Variants in RXFP1 observed in about 807,000 individuals in gnomAD.
RXFP1 encodes the protein relaxin family peptide receptor 1, also known as relaxin receptor 1.
In RXFP1, 73 loss-of-function variants were observed where a neutral mutation model predicts 89.8. The observed-to-expected ratio is 0.81, with a 90% confidence interval of 0.67 to 0.99. The LOEUF is 0.99. Among genes scored for constraint, RXFP1 ranks in the 50% least tolerant of loss-of-function variants. The pLI is 0.00. For missense variants in RXFP1, 793 were observed against 895.5 expected, an observed-to-expected ratio of 0.89 and a Z score of 1.46; for synonymous variants, 277 against 305.5, an observed-to-expected ratio of 0.91 and a Z score of 0.97.
chr4:158,548,685 G>T (rs1459377391), intron 1 of RXFP1, among the ~76,000 whole-genome samples: 1 of 152,132 alleles, frequency 6.6e-6, no homozygotes, highest in Non-Finnish European at 1.5e-5. Context: ...GTCTGTAAAG[G>T]ATTTTATTTA....
chr4:158,602,679 T>C (rs28581217), intron 4 of RXFP1, among the ~76,000 whole-genome samples: 3,949 of 152,266 alleles, frequency 0.026, 149 homozygotes, highest in African/African-American at 0.091. Flanking sequence ...GAGTATAAAC[T>C]TCTTAAAGGC....
At chr4:158,589,400 G>A (rs1473220428) in intron 2 of RXFP1, among the ~76,000 whole-genome samples, 1 of 152,072 alleles carries the variant, frequency 6.6e-6, no homozygotes, top group Non-Finnish European at 1.5e-5. Flanking sequence ...AATTCCTTGG[G>A]TTTCTGCTTT....
At chr4:158,546,945 AGG>A (rs1748607103) in intron 1 of RXFP1, among the ~76,000 whole-genome samples, 1 of 152,150 alleles carries the variant, frequency 6.6e-6, no homozygotes, top group African/African-American at 2.4e-5. Context: ...CTTTGGTATC[AGG>A]ATGATGCTGG....
At chr4:158,551,630 T>A (rs1248832957) in intron 1 of RXFP1, among the ~76,000 whole-genome samples, 2 of 152,138 alleles carry the variant, frequency 1.3e-5, no homozygotes, top group East Asian at 3.8e-4. Flanking sequence ...AACTTTTATT[T>A]CTCAATTAAA....
At chr4:158,570,317 G>A (rs1754766200) in intron 1 of RXFP1, among the ~76,000 whole-genome samples, 3 of 152,152 alleles carry the variant, frequency 2.0e-5, no homozygotes, top group South Asian at 2.1e-4. Flanking sequence ...TGGGACTTCT[G>A]GATTGAAGAT....
intron 17 of RXFP1, among the ~76,000 whole-genome samples, chr4:158,650,650 G>T (rs1406328545): frequency 6.6e-6 from 1 of 151,744 alleles, no homozygotes; most frequent in Non-Finnish European, 1.5e-5. Flanking sequence ...TGCACTTGTA[G>T]TCCCAGCTAC....
chr4:158,612,560 T>C (rs1763770174), intron 8 of RXFP1, among the ~76,000 whole-genome samples, 198 bp downstream of exon 8: 1 of 152,106 alleles, frequency 6.6e-6, no homozygotes, highest in Non-Finnish European at 1.5e-5. Context: ...TCTTCTAGAA[T>C]ATCAGCCCAT....
chr4:158,568,425 T>G (rs1413825219), intron 1 of RXFP1, among the ~76,000 whole-genome samples: 1 of 152,240 alleles, frequency 6.6e-6, no homozygotes, highest in Admixed American at 6.5e-5. Context: ...TATGGCCAGT[T>G]AAAACATCTT....
At chr4:158,642,955 T>C (rs548306338) in intron 14 of RXFP1, among the ~76,000 whole-genome samples, 66 of 152,262 alleles carry the variant, frequency 4.3e-4, no homozygotes, top group African/African-American at 1.4e-3. Flanking sequence ...GAGGAAGCCA[T>C]GTTTGATTTA....
intron 2 of RXFP1, among the ~76,000 whole-genome samples, chr4:158,591,051 A>T (rs78482834): frequency 1.3e-5 from 2 of 152,154 alleles, no homozygotes; most frequent in Non-Finnish European, 2.9e-5. Flanking sequence ...CTAGATATCC[A>T]TGAGGCTGGT....
chr4:158,629,653 G>A (rs1347931666), intron 11 of RXFP1, among the ~76,000 whole-genome samples: 1 of 151,580 alleles, frequency 6.6e-6, no homozygotes, highest in Non-Finnish European at 1.5e-5. Context: ...TAGTACCAGG[G>A]TGTCACTCTG....
At chr4:158,649,968 C>T (rs1299247368) in intron 17 of RXFP1, among the ~76,000 whole-genome samples, 1 of 152,118 alleles carries the variant, frequency 6.6e-6, no homozygotes, top group Non-Finnish European at 1.5e-5. Context: ...TTCACAATAG[C>T]CAAAAGTTAG....
chr4:158,612,215 A>T lies in RXFP1; in HGVS notation c.608+14A>T, dbSNP rs751300042. 2 of 1,608,646 alleles carry T rather than the reference A, an allele frequency of 1.2e-6. No individual in the cohort carries two copies. Among genetic ancestry groups the T allele is most frequent in the Admixed American group, 1.7e-5 (1 of 59,250 alleles). ...ACTAGAATGGCTGTATGTTTAATTT[A>T]TGTGGCATTTTATTGCACTAGTTTT... On this transcript the variant is annotated intron_variant, in intron 7 of 17. Coordinates refer to ENST00000307765, the MANE Select transcript of RXFP1 (RefSeq NM_021634.4).
At chr4:158,600,420 GT>G (rs1388605615) in intron 4 of RXFP1, among the ~76,000 whole-genome samples, 1 of 152,092 alleles carries the variant, frequency 6.6e-6, no homozygotes, top group Non-Finnish European at 1.5e-5. Flanking sequence ...TATCAGCAGA[GT>G]TTTCCAAAAG....
At chr4:158,578,509 C>T (rs74754297) in intron 2 of RXFP1, among the ~76,000 whole-genome samples, 5,474 of 152,224 alleles carry the variant, frequency 0.036, 306 homozygotes, top group African/African-American at 0.12. Context: ...AGTGCAAGCT[C>T]AGTAGTAAAA....
chr4:158,572,173 A>G (rs1235791603), intron 1 of RXFP1, among the ~76,000 whole-genome samples: 1 of 152,132 alleles, frequency 6.6e-6, no homozygotes, highest in Non-Finnish European at 1.5e-5. Flanking sequence ...CATCATGAGG[A>G]AACTTTTTCT....
chr4:158,615,536 C>CA (rs879387842), intron 8 of RXFP1, among the ~76,000 whole-genome samples: 291 of 132,078 alleles, frequency 2.2e-3, no homozygotes, highest in African/African-American at 4.0e-3. Flanking sequence ...AACTTTGTCT[C>CA]AAAAAAAAAA....
At chr4:158,627,369 A>AAGT (rs1186181768) in intron 10 of RXFP1, among the ~76,000 whole-genome samples, 2 of 152,174 alleles carry the variant, frequency 1.3e-5, no homozygotes, top group African/African-American at 4.8e-5. Context: ...TGCAACTAAT[A>AAGT]AGTAGGTGAT....
At chr4:158,568,374 GAGA>G (rs1198388616) in intron 1 of RXFP1, among the ~76,000 whole-genome samples, 4 of 152,228 alleles carry the variant, frequency 2.6e-5, no homozygotes, top group African/African-American at 9.6e-5. Flanking sequence ...AAGTTATGTG[GAGA>G]AGAATATTCA....
Sources: allele counts gnomAD v4.1 joint callset (sites outside exome capture counted in the v4.1 genomes callset), GRCh38; gene constraint gnomAD v4.1.1; transcripts MANE v1.5; gene names NCBI Gene and HGNC (gene_info 2026-07-23, HGNC 2026-07-21).